Variants in RANBP2 observed in about 807,000 individuals in gnomAD.
RANBP2 encodes RAN binding protein 2, also known as E3 SUMO-protein ligase RanBP2.
RANBP2 carries 57 observed loss-of-function variants against 303.6 expected under a neutral mutation model. The ratio of observed to expected loss-of-function variants is 0.19; its 90% CI spans 0.15 to 0.23. RANBP2 has a LOEUF of 0.23. Ranked by LOEUF, RANBP2 falls within the 10% of genes least tolerant of loss-of-function variation. The probability of loss-of-function intolerance (pLI) is 1.00; values close to 1 mark genes in which losing one functional copy is unlikely to be tolerated. For missense variants in RANBP2, 3,138 were observed against 3,780.8 expected, an observed-to-expected ratio of 0.83 and a Z score of 4.46; for synonymous variants, 1,167 against 1,301.5, an observed-to-expected ratio of 0.90 and a Z score of 2.23.
the RANBP2 span, chr2:108,907,979 G>C: frequency 1.9e-6 from 3 of 1,612,010 alleles, no homozygotes; most frequent in African/African-American, 4.0e-5. Context: ...TCGACGCTCC[G>C]GCTCAGCAGC....
At chr2:108,980,430 T>G in the RANBP2 span, among the ~76,000 whole-genome samples, 1 of 152,166 alleles carries the variant, frequency 6.6e-6, no homozygotes, top group African/African-American at 2.4e-5. Context: ...GATTTTAAAC[T>G]AATACTTATT....
chr2:109,258,595 C>A, the RANBP2 span, among the ~76,000 whole-genome samples: 1 of 152,214 alleles, frequency 6.6e-6, no homozygotes, highest in Non-Finnish European at 1.5e-5. Flanking sequence ...CCCGCAATTC[C>A]CCAGGCCGGG....
chr2:109,058,301 C>G, the RANBP2 span, among the ~76,000 whole-genome samples: 1 of 152,212 alleles, frequency 6.6e-6, no homozygotes, highest in Non-Finnish European at 1.5e-5. Context: ...TCCCAGCCAG[C>G]TACGCCTGGA....
the RANBP2 span, among the ~76,000 whole-genome samples, chr2:109,208,954 T>C: frequency 6.6e-6 from 1 of 152,224 alleles, no homozygotes; most frequent in Non-Finnish European, 1.5e-5. Context: ...CAGAGGTGTC[T>C]TTGGCCATGG....
chr2:109,470,050 T>G, the RANBP2 span, among the ~76,000 whole-genome samples: 3 of 152,216 alleles, frequency 2.0e-5, no homozygotes, highest in Admixed American at 2.0e-4. Flanking sequence ...GTCTGAGGGT[T>G]AGCTGAGCCC....
At chr2:109,669,537 T>C in the RANBP2 span, among the ~76,000 whole-genome samples, 18,083 of 152,158 alleles carry the variant, frequency 0.12, 1,375 homozygotes, top group East Asian at 0.24. Context: ...TCTGAATAAA[T>C]ATTTTTTGAG....
the RANBP2 span, among the ~76,000 whole-genome samples, chr2:109,388,717 C>A: frequency 2.6e-5 from 4 of 152,192 alleles, no homozygotes; most frequent in African/African-American, 9.7e-5. Context: ...AAATGAGACC[C>A]CTGCAAGAGG....
chr2:109,118,588 C>T, the RANBP2 span, among the ~76,000 whole-genome samples: 17 of 149,994 alleles, frequency 1.1e-4, no homozygotes, highest in Non-Finnish European at 1.8e-4. Context: ...TGTCAGTGTA[C>T]GTTTTATTCA....
At chr2:109,184,214 A>G in the RANBP2 span, among the ~76,000 whole-genome samples, 2 of 152,172 alleles carry the variant, frequency 1.3e-5, no homozygotes, top group Non-Finnish European at 2.9e-5. Flanking sequence ...CTGAATTTCT[A>G]CACTCCCTTG....
At chr2:109,294,131 T>G in the RANBP2 span, among the ~76,000 whole-genome samples, 1 of 152,184 alleles carries the variant, frequency 6.6e-6, no homozygotes, top group Non-Finnish European at 1.5e-5. Flanking sequence ...GGCCCCTCCA[T>G]GTAATCAGTT....
chr2:109,547,227 T>C, the RANBP2 span, among the ~76,000 whole-genome samples: 1 of 152,206 alleles, frequency 6.6e-6, no homozygotes. Flanking sequence ...TCCAAGTCCT[T>C]TTCCTTTGTC....
At chr2:109,330,611 G>A in the RANBP2 span, among the ~76,000 whole-genome samples, 1 of 152,150 alleles carries the variant, frequency 6.6e-6, no homozygotes, top group Non-Finnish European at 1.5e-5. Flanking sequence ...GTGGGTCAAT[G>A]GGTGTGTGGT....
chr2:109,284,446 G>T, the RANBP2 span, among the ~76,000 whole-genome samples: 50 of 152,298 alleles, frequency 3.3e-4, no homozygotes, highest in Admixed American at 6.5e-4. Flanking sequence ...AGGGCGTGTG[G>T]ACTGGGAGGC....
chr2:109,420,421 T>TTTGTTG, the RANBP2 span, among the ~76,000 whole-genome samples: 58 of 152,140 alleles, frequency 3.8e-4, no homozygotes, highest in African/African-American at 1.3e-3. Context: ...AACAGGATTT[T>TTTGTTG]TTGTTGTTGT....
At chr2:108,838,705 A>T in the RANBP2 span, among the ~76,000 whole-genome samples, 9 of 152,202 alleles carry the variant, frequency 5.9e-5, no homozygotes, top group South Asian at 1.9e-3. Flanking sequence ...AGTAAATAGT[A>T]CTCCAGTTTC....
chr2:109,712,719 A>T, the RANBP2 span, among the ~76,000 whole-genome samples: 1 of 152,256 alleles, frequency 6.6e-6, no homozygotes, highest in Non-Finnish European at 1.5e-5. Flanking sequence ...GGTGTGAGCC[A>T]CCAAGTCTGG....
At chr2:108,940,957 C>T in the RANBP2 span, among the ~76,000 whole-genome samples, 1 of 152,174 alleles carries the variant, frequency 6.6e-6, no homozygotes, top group Non-Finnish European at 1.5e-5. Flanking sequence ...TATATACACC[C>T]CCTGTGGCTT....
At chr2:109,005,638 T>C in the RANBP2 span, among the ~76,000 whole-genome samples, 39 of 152,322 alleles carry the variant, frequency 2.6e-4, 1 homozygote, top group African/African-American at 8.7e-4. Context: ...TTTCAATATG[T>C]ATTCATGTTC....
chr2:109,423,959 G>A, the RANBP2 span, among the ~76,000 whole-genome samples: 208 of 152,108 alleles, frequency 1.4e-3, no homozygotes, highest in African/African-American at 4.6e-3. Flanking sequence ...GAGAGTCTCT[G>A]GATGACATAG....
Sources: allele counts gnomAD v4.1 joint callset (sites outside exome capture counted in the v4.1 genomes callset), GRCh38; gene constraint gnomAD v4.1.1; transcripts MANE v1.5; gene names NCBI Gene and HGNC (gene_info 2026-07-23, HGNC 2026-07-21).